The following TEAD4 variants were observed in gnomAD, a reference collection of about 807,000 sequenced individuals.
The protein encoded by TEAD4 is transcriptional enhancer factor TEF-3.
A neutral mutation model predicts 52.4 loss-of-function variants in TEAD4; 36 were observed. That is an observed-to-expected ratio of 0.69 (90% CI 0.53 to 0.91). The LOEUF (loss-of-function observed/expected upper bound fraction) is 0.91, where lower values mean the gene tolerates loss of function less well. Ranked by LOEUF, TEAD4 falls within the 40% of genes least tolerant of loss-of-function variation. The pLI is 0.00. For synonymous variants in TEAD4, 220 were observed against 231.0 expected (o/e 0.95, Z 0.43); for missense variants, 508 against 583.9 (o/e 0.87, Z 1.34).
At chr12:3,039,220 G>GTACC (rs1463348004) in intron 11 of TEAD4, among the ~76,000 whole-genome samples, 2 of 152,192 alleles carry the variant, frequency 1.3e-5, no homozygotes, top group African/African-American at 4.8e-5. Flanking sequence ...AGTCTCTAGG[G>GTACC]TAGAGTCCAG....
In TEAD4 at chr12:2,994,704, C is replaced by T; in HGVS notation, c.-29-34C>T. The T allele has an allele frequency of 1.3e-6, 2 of 1,523,136 alleles. No homozygotes were observed. The highest frequency in any genetic ancestry group is 1.8e-6 in the Non-Finnish European group (2 of 1,138,212). The allele number at this position is 1,523,136 out of a possible 1,614,324, so 94.4% of individuals were successfully genotyped here. ...TCCCGTGGCCCACGCAGTTCTTCCA[C>T]TGCTCACCGGGGCTGTGGTTCCTGT... is the stretch of plus-strand genomic sequence containing the variant. On this transcript the variant is annotated intron_variant, in intron 2 of 12. Coordinates refer to ENST00000359864, the MANE Select transcript of TEAD4 (RefSeq NM_003213.4). The surrounding 1 kb of genome is among the most constrained non-coding windows in gnomAD (Gnocchi z 4.7).
intron 3 of TEAD4, among the ~76,000 whole-genome samples, chr12:3,000,541 C>T (rs1380695479): frequency 3.9e-5 from 6 of 152,248 alleles, no homozygotes; most frequent in South Asian, 2.1e-4. Flanking sequence ...ATTAATCCAT[C>T]GTGAAGGCAG....
At chr12:2,988,581 A>G (rs149722495) in intron 2 of TEAD4, among the ~76,000 whole-genome samples, 17 of 152,008 alleles carry the variant, frequency 1.1e-4, no homozygotes, top group Non-Finnish European at 1.9e-4. Flanking sequence ...AATCCTTGCA[A>G]TCTTCAAAAC....
At chr12:3,007,123 G>T (rs1329428064) in intron 3 of TEAD4, among the ~76,000 whole-genome samples, 1 of 152,246 alleles carries the variant, frequency 6.6e-6, no homozygotes, top group African/African-American at 2.4e-5. Flanking sequence ...GGCTGAGACG[G>T]CCTTTCTAGC....
intron 2 of TEAD4, among the ~76,000 whole-genome samples, chr12:2,991,666 C>CA (rs980784598): frequency 1.8e-4 from 26 of 147,616 alleles, no homozygotes; most frequent in Non-Finnish European, 2.7e-4. Context: ...CGTCCCCCCA[C>CA]AAAAAAAAAG....
At chr12:3,001,282 A>T (rs1160346716) in intron 3 of TEAD4, among the ~76,000 whole-genome samples, 1 of 152,232 alleles carries the variant, frequency 6.6e-6, no homozygotes, top group African/African-American at 2.4e-5. Context: ...TTTTATGTGT[A>T]CAGGTCAGTG....
At chr12:2,974,888 G>A (rs1459837304) in intron 2 of TEAD4, among the ~76,000 whole-genome samples, 1 of 152,026 alleles carries the variant, frequency 6.6e-6, no homozygotes, top group Non-Finnish European at 1.5e-5. Context: ...TGGCTTTGAC[G>A]GAATTCCAGG....
chr12:2,995,043 C>A (rs534658818), intron 3 of TEAD4, 51 bp downstream of exon 3: 1 of 1,579,778 alleles, frequency 6.3e-7, no homozygotes, highest in Non-Finnish European at 8.6e-7. Flanking sequence ...GGCAAGGGGC[C>A]GACACCAGAA....
intron 8 of TEAD4, 33 bp from the exon 9 acceptor site, chr12:3,020,601 C>T (rs1166033720): frequency 1.0e-5 from 15 of 1,501,468 alleles, no homozygotes; most frequent in Non-Finnish European, 1.3e-5. Context: ...GTGTCCGTGA[C>T]CAGGTTCCAT....
At chr12:3,007,087 C>T (rs59635854) in intron 3 of TEAD4, among the ~76,000 whole-genome samples, 7,063 of 152,260 alleles carry the variant, frequency 0.046, 530 homozygotes, top group African/African-American at 0.16. Flanking sequence ...GCTCCTGTCC[C>T]GCCCCATTAC....
chr12:3,020,612 G>C, intron 8 of TEAD4, 22 bp from the exon 9 acceptor site: 1 of 1,513,784 alleles, frequency 6.6e-7, no homozygotes, highest in Non-Finnish European at 8.9e-7. Context: ...CAGGTTCCAT[G>C]TGCCTTTCTC....
chr12:2,973,103 C>T (rs2098226609), intron 2 of TEAD4, among the ~76,000 whole-genome samples: 1 of 152,170 alleles, frequency 6.6e-6, no homozygotes, highest in African/African-American at 2.4e-5. Flanking sequence ...AGTTACATAG[C>T]TCTTTGGGTC....
chr12:2,999,617 C>T (rs1369870238), intron 3 of TEAD4, among the ~76,000 whole-genome samples: 1 of 152,236 alleles, frequency 6.6e-6, no homozygotes, highest in African/African-American at 2.4e-5. Context: ...GCTCCCGAGC[C>T]CGGGGTGCTT....
Position 3,021,841 on chromosome 12 carries a change from C to T in TEAD4, c.724-3C>T, listed in dbSNP as rs1471846582. On this transcript the variant is annotated splice_region_variant and splice_polypyrimidine_tract_variant and intron_variant, in intron 9 of 12. Coordinates refer to ENST00000359864, the MANE Select transcript of TEAD4 (RefSeq NM_003213.4). The stretch of plus-strand genomic sequence containing the variant: ...GTCTCCCTCAGACCCACTCTCTCCA[C>T]AGTACAACAAGCACCTGTTCGTGCA... 1.2e-6 allele frequency: 2 copies of T among 1,613,826 alleles called. No individual in the cohort carries two copies. The highest frequency in any genetic ancestry group is 2.2e-5 in the East Asian group (1 of 44,884).
intron 2 of TEAD4, among the ~76,000 whole-genome samples, chr12:2,990,893 T>C (rs925325256): frequency 2.0e-5 from 3 of 152,206 alleles, no homozygotes; most frequent in African/African-American, 4.8e-5. Context: ...GTCTCATCTC[T>C]GAGCAACCAT....
At chr12:3,008,359 G>T (rs1372969181) in intron 3 of TEAD4, among the ~76,000 whole-genome samples, 2 of 152,160 alleles carry the variant, frequency 1.3e-5, no homozygotes, top group Non-Finnish European at 2.9e-5. Flanking sequence ...TGTGTTTCAG[G>T]ACAGCAAGAA....
At chr12:2,984,181 A>C (rs1565528900) in intron 2 of TEAD4, among the ~76,000 whole-genome samples, 1 of 152,124 alleles carries the variant, frequency 6.6e-6, no homozygotes, top group Non-Finnish European at 1.5e-5. Context: ...CTGTGTGCGG[A>C]AGGTATGGCC....
chr12:2,982,489 C>T (rs2098234893), intron 2 of TEAD4, among the ~76,000 whole-genome samples: 1 of 152,224 alleles, frequency 6.6e-6, no homozygotes, highest in Non-Finnish European at 1.5e-5. Flanking sequence ...CCCTGGCAGG[C>T]CCTCCTGGGT....
chr12:2,985,633 G>A (rs2098237729), intron 2 of TEAD4, among the ~76,000 whole-genome samples: 2 of 148,422 alleles, frequency 1.3e-5, no homozygotes, highest in South Asian at 4.4e-4. Context: ...AGCCTCCCTA[G>A]TAGCTGGGAT....
Sources: gnomAD v4.1 joint callset for allele counts (sites outside exome capture counted in the v4.1 genomes callset) on GRCh38, gnomAD v4.1.1 for gene constraint, Gnocchi (gnomAD v3.1) non-coding constraint, MANE v1.5 for transcripts, NCBI Gene and HGNC (gene_info 2026-07-23, HGNC 2026-07-21) for gene names.